The following HMGA2 variants were observed in gnomAD, a reference collection of about 807,000 sequenced individuals.
HMGA2 encodes high mobility group protein HMGI-C.
Under a neutral mutation model 19.1 loss-of-function variants are expected in HMGA2, and 8 were observed. The observed-to-expected ratio is 0.42, with a 90% confidence interval of 0.25 to 0.76. The LOEUF (loss-of-function observed/expected upper bound fraction) is 0.76. Among genes scored for constraint, HMGA2 ranks in the 30% least tolerant of loss-of-function variants. HMGA2 has a pLI of 0.28. For missense variants in HMGA2, 109 were observed against 136.3 expected, an observed-to-expected ratio of 0.80 and a Z score of 1.00; for synonymous variants, 60 against 48.8, an observed-to-expected ratio of 1.23 and a Z score of -0.96.
intron 3 of HMGA2, among the ~76,000 whole-genome samples, chr12:65,841,274 G>C (rs1164451703): frequency 6.6e-6 from 1 of 152,146 alleles, no homozygotes; most frequent in East Asian, 1.9e-4. Context: ...TTGCCTTTCT[G>C]AGAATAGCTG....
At chr12:65,826,763 A>C (rs1592368365) in intron 1 of HMGA2, 4 of 136,254 alleles carry the variant, frequency 2.9e-5, no homozygotes, top group Admixed American at 7.4e-5. Context: ...GTTCTAACTC[A>C]CTAATTGCCC....
At chr12:65,887,475 C>A (rs1873706468) in intron 3 of HMGA2, among the ~76,000 whole-genome samples, 1 of 152,084 alleles carries the variant, frequency 6.6e-6, no homozygotes, top group South Asian at 2.1e-4. Context: ...AATCCCAGTA[C>A]TTTGGGAGGC....
chr12:65,897,254 A>G (rs1200482916), intron 3 of HMGA2, among the ~76,000 whole-genome samples: 1 of 152,120 alleles, frequency 6.6e-6, no homozygotes, highest in Non-Finnish European at 1.5e-5. Context: ...ACTCTTAGTT[A>G]TTTTTTAATG....
intron 2 of HMGA2, among the ~76,000 whole-genome samples, chr12:65,836,960 C>G (rs1317290038): frequency 6.6e-6 from 1 of 152,168 alleles, no homozygotes; most frequent in Non-Finnish European, 1.5e-5. Context: ...GCTAGGAGCA[C>G]AGTCTTTACA....
chr12:65,918,285 G>A (rs1441379221), intron 3 of HMGA2, among the ~76,000 whole-genome samples: 2 of 152,176 alleles, frequency 1.3e-5, no homozygotes, highest in Non-Finnish European at 2.9e-5. Flanking sequence ...AGAATTAAAG[G>A]CAGTGTCGTT....
intron 4 of HMGA2, among the ~76,000 whole-genome samples, chr12:65,961,585 G>A (rs769693161): frequency 2.9e-4 from 44 of 152,224 alleles, no homozygotes; most frequent in Non-Finnish European, 5.4e-4. Context: ...ATGCTGCCGT[G>A]GTTATATTTT....
At chr12:65,885,846 C>T (rs1241333558) in intron 3 of HMGA2, among the ~76,000 whole-genome samples, 2 of 152,288 alleles carry the variant, frequency 1.3e-5, no homozygotes, top group East Asian at 1.9e-4. Context: ...ATGATATCAA[C>T]TATGCCATGA....
At position 65,855,228 on chromosome 12, in the gene HMGA2, G is replaced by A. The variant is rs539114476; in HGVS notation, c.249+16659G>A. 6.6e-5 allele frequency among the ~76,000 whole-genome samples: 10 copies of A among 152,116 alleles called. No individual in the cohort carries two copies. In the South Asian group the frequency reaches 1.5e-3, roughly 22 times the overall value. ...TCACATAGATTTTAAATGTCCTTGC[G>A]GGCAGATATTCACTGAGAAAACTGT... On this transcript the variant is annotated intron_variant, in intron 3 of 4. Coordinates refer to ENST00000403681, the MANE Select transcript of HMGA2 (RefSeq NM_003483.6).
rs1870990317 is a variant in HMGA2, at chr12:65,841,419, G to A, written c.249+2850G>A. ...GTTCTACTGAGAAGAGGAAATAAAA[G>A]GAAATTGTATATTTTTTCTAGACAG... On this transcript the variant is annotated intron_variant, in intron 3 of 4. Transcript: ENST00000403681. 4.6e-5 allele frequency among the ~76,000 whole-genome samples: 7 copies of A among 152,186 alleles called. No individual in the cohort carries two copies. In the South Asian group the frequency reaches 1.4e-3, roughly 32 times the overall value.
intron 3 of HMGA2, among the ~76,000 whole-genome samples, chr12:65,928,632 T>G (rs894049653): frequency 6.6e-6 from 1 of 152,214 alleles, no homozygotes; most frequent in Non-Finnish European, 1.5e-5. Context: ...ATATTTTTCT[T>G]TATATCTTTA....
At chr12:65,865,833 G>A (rs1048536282) in intron 3 of HMGA2, among the ~76,000 whole-genome samples, 8 of 151,492 alleles carry the variant, frequency 5.3e-5, no homozygotes, top group South Asian at 2.1e-4. Context: ...TAGTAGAAAC[G>A]GGGTTTCATC....
intron 3 of HMGA2, among the ~76,000 whole-genome samples, chr12:65,854,731 C>G (rs1487335901): frequency 6.6e-6 from 1 of 152,338 alleles, no homozygotes; most frequent in Non-Finnish European, 1.5e-5. Flanking sequence ...TCCCTCCCCA[C>G]TCCGGTATTC....
At chr12:65,855,284 A>T (rs931215144) in intron 3 of HMGA2, among the ~76,000 whole-genome samples, 8 of 152,208 alleles carry the variant, frequency 5.3e-5, no homozygotes, top group Non-Finnish European at 1.0e-4. Context: ...TATCTGGCCC[A>T]GTCTCTAGAA....
intron 4 of HMGA2, chr12:65,958,771 T>C (rs1424027020): frequency 6.6e-6 from 1 of 152,228 alleles, no homozygotes; most frequent in Non-Finnish European, 1.5e-5. Context: ...TGTAGGTTTA[T>C]TGGCAAGATA....
At chr12:65,903,084 G>GT (rs918398240) in intron 3 of HMGA2, among the ~76,000 whole-genome samples, 1 of 152,002 alleles carries the variant, frequency 6.6e-6, no homozygotes, top group African/African-American at 2.4e-5. Flanking sequence ...TGGTTTGTTT[G>GT]TTTTTTTAAA....
intron 3 of HMGA2, chr12:65,882,260 A>G (rs1873453375): frequency 7.5e-6 from 2 of 265,586 alleles, no homozygotes; most frequent in Non-Finnish European, 1.5e-5. Flanking sequence ...ATACTGAAGC[A>G]GCCAGGAACT....
In HMGA2 at chr12:65,860,448, A is replaced by G. The variant is rs74097818; in HGVS notation, c.249+21879A>G. Among the ~76,000 whole-genome samples the G allele has an allele frequency of 9.6e-3, 1,461 of 152,286 alleles. 24 individuals carry two copies. The highest frequency in any genetic ancestry group is 0.034 in the African/African-American group (1,404 of 41,566). On this transcript the variant is annotated intron_variant, in intron 3 of 4. Coordinates refer to ENST00000403681, the MANE Select transcript of HMGA2 (RefSeq NM_003483.6). ...CCAGTCAGGCCATCATAGGTCAGGG[A>G]CTGTCTGTATGAATGCCTTGCTTTC...
intron 3 of HMGA2, among the ~76,000 whole-genome samples, chr12:65,895,344 A>G (rs530050417): frequency 1.9e-4 from 29 of 149,838 alleles, no homozygotes; most frequent in Middle Eastern, 3.5e-3. Context: ...TAAGAAGGGG[A>G]AAAAAAAAAC....
chr12:65,943,735 T>C (rs1032962201), intron 3 of HMGA2, among the ~76,000 whole-genome samples: 1 of 152,180 alleles, frequency 6.6e-6, no homozygotes, highest in Admixed American at 6.5e-5. Context: ...CAAAATCTCC[T>C]TTGCACCATA....
Sources: gnomAD v4.1 joint callset for allele counts (sites outside exome capture counted in the v4.1 genomes callset) on GRCh38, gnomAD v4.1.1 for gene constraint, MANE v1.5 for transcripts, NCBI Gene and HGNC (gene_info 2026-07-23, HGNC 2026-07-21) for gene names.